Variants in PHOX2A observed in about 807,000 individuals in gnomAD.
PHOX2A encodes paired mesoderm homeobox protein 2A.
In PHOX2A, 10 loss-of-function variants were observed where a neutral mutation model predicts 16.4. The ratio of observed to expected loss-of-function variants is 0.61; its 90% CI spans 0.38 to 1.04. The LOEUF is 1.04. PHOX2A is among the 50% of genes least tolerant of loss of function. The pLI is 0.01. For synonymous variants in PHOX2A, 219 were observed against 203.8 expected, an observed-to-expected ratio of 1.07 and a Z score of -0.64; for missense variants, 361 against 419.4, an observed-to-expected ratio of 0.86 and a Z score of 1.22.
chr11:72,241,078 G>A (rs370740429), intron 2 of PHOX2A, 24 bp downstream of exon 2: 39 of 1,611,122 alleles, frequency 2.4e-5, no homozygotes, highest in Non-Finnish European at 3.0e-5. Flanking sequence ...GCGCACTCTC[G>A]TACACACACG....
intron 1 of PHOX2A, among the ~76,000 whole-genome samples, chr11:72,243,200 G>T (rs1052216820): frequency 3.3e-5 from 5 of 152,202 alleles, no homozygotes; most frequent in African/African-American, 9.7e-5. Context: ...AATACAAGTG[G>T]CTTAAAAACC....
rs770306817 is a variant in PHOX2A, at chr11:72,239,728, G to C, written c.*21C>G. ...CAGGGACGTCTCTGGGGGCAGGCTCGGAGCCTCCAGAGGCCGGCAGCTAGA... is the reference window on the plus strand; with the variant it reads ...CAGGGACGTCTCTGGGGGCAGGCTCCGAGCCTCCAGAGGCCGGCAGCTAGA... On this transcript the variant is annotated 3_prime_UTR_variant, in exon 3 of 3. Transcript: ENST00000298231. 3 of 1,304,486 alleles carry C rather than the reference G, an allele frequency of 2.3e-6. No individual in the cohort carries two copies. The highest frequency in any genetic ancestry group is 3.1e-5 in the South Asian group (1 of 31,758). The allele number at this position is 1,304,486 out of a possible 1,614,324, so 80.8% of individuals were successfully genotyped here. A position where few individuals can be genotyped will look rare whatever the true frequency, so the allele number is the denominator to read the frequency against.
chr11:72,243,791 C>G lies in PHOX2A; in HGVS notation c.214G>C (p.Ala72Pro). 2.4e-6 allele frequency: 3 copies of G among 1,247,596 alleles called. No homozygotes were observed. The highest frequency in any genetic ancestry group is 3.0e-6 in the Non-Finnish European group (3 of 995,062). 77.3% of individuals were successfully genotyped at this position (1,247,596 alleles called of 1,614,324 possible). The change falls in exon 1 of 3, where the codon GCA becomes CCA. Residue 72 changes from alanine (A) to proline (P), a missense_variant. Physicochemically the swap from Ala to Pro is conservative, Grantham distance 27. Around this residue, in one of 3 missense-constraint regions of PHOX2A, gnomAD observed 235 missense variants for 263.8 expected, o/e 0.89. Coordinates refer to ENST00000298231, the MANE Select transcript of PHOX2A (RefSeq NM_005169.4). ...GTTGGGCCGGGGCTGCGCTCACCTG[C>G]CGAGTAGGGCGCGGGCTGGTGGTCG... ...LRDHQPAPYS[A>P]VPYKFFPEPS...
intron 2 of PHOX2A, among the ~76,000 whole-genome samples, chr11:72,240,553 G>A (rs1326313120): frequency 6.6e-6 from 1 of 152,168 alleles, no homozygotes; most frequent in African/African-American, 2.4e-5. Flanking sequence ...GTGTTCCAGG[G>A]CCGTGGAGAG....
At chr11:72,241,018 A>C in intron 2 of PHOX2A, 84 bp downstream of exon 2, 2 of 1,431,904 alleles carry the variant, frequency 1.4e-6, no homozygotes, top group Non-Finnish European at 1.9e-6. Context: ...ATCTGCCTGT[A>C]TTCCCCTACC....
intron 2 of PHOX2A, among the ~76,000 whole-genome samples, chr11:72,240,400 T>C (rs976702537): frequency 6.6e-6 from 1 of 152,214 alleles, no homozygotes; most frequent in African/African-American, 2.4e-5. Flanking sequence ...CCTGGGTTCT[T>C]GCCCTTGGGA....
At chr11:72,241,426 C>T in intron 1 of PHOX2A, 137 bp from the exon 2 acceptor site, 1 of 629,540 alleles carries the variant, frequency 1.6e-6, no homozygotes, top group Non-Finnish European at 2.8e-6. Context: ...GTCTTGGTCC[C>T]GGCAGCCTGG....
Position 72,243,983 on chromosome 11 carries a change from A to T in PHOX2A, c.22T>A (p.Ser8Thr). MDYSYLN[S>T]YDSCVAAMEA... is the part of the protein sequence containing the mutation. ...ATGGCCGCCACGCACGAGTCGTACGAATTGAGGTAGGAGTAGTCCATCGGC... is the reference window on the plus strand; with the variant it reads ...ATGGCCGCCACGCACGAGTCGTACGTATTGAGGTAGGAGTAGTCCATCGGC... Residue 8 changes from serine to threonine, a missense_variant, in exon 1 of 3, where the codon TCG becomes ACG. Around this residue, in one of 3 missense-constraint regions of PHOX2A, gnomAD observed 235 missense variants for 263.8 expected, o/e 0.89. Transcript: ENST00000298231. 1 of 1,299,272 alleles carries T rather than the reference A, an allele frequency of 7.7e-7. No homozygotes were observed. The highest frequency in any genetic ancestry group is 3.0e-5 in the South Asian group (1 of 33,128). 80.5% of individuals were successfully genotyped at this position (1,299,272 alleles called of 1,614,324 possible).
intron 2 of PHOX2A, among the ~76,000 whole-genome samples, chr11:72,240,861 C>G (rs1470534180): frequency 6.6e-6 from 1 of 152,210 alleles, no homozygotes; most frequent in Admixed American, 6.5e-5. Flanking sequence ...TCAAGCATCA[C>G]TCGGAACTTT....
In PHOX2A at chr11:72,243,770, G is replaced by A. The variant is rs1466193728; in HGVS notation, c.217+18C>T. 12 of 1,232,404 alleles carry A rather than the reference G, an allele frequency of 9.7e-6. No individual in the cohort carries two copies. Among genetic ancestry groups the A allele is most frequent in the Admixed American group, 4.2e-5 (1 of 23,760 alleles). The allele number at this position is 1,232,404 out of a possible 1,614,324, so 76.3% of individuals were successfully genotyped here. A position where few individuals can be genotyped will look rare whatever the true frequency, so the allele number is the denominator to read the frequency against. On this transcript the variant is annotated intron_variant, in intron 1 of 2. Coordinates refer to ENST00000298231, the MANE Select transcript of PHOX2A (RefSeq NM_005169.4). ...TCTGCAGGAATTGGAGGGAGGGTTGGGCCGGGGCTGCGCTCACCTGCCGAG... is the reference window on the plus strand; with the variant it reads ...TCTGCAGGAATTGGAGGGAGGGTTGAGCCGGGGCTGCGCTCACCTGCCGAG...
chr11:72,239,864 G>A lies in PHOX2A; in HGVS notation c.740C>T (p.Ala247Val). The change falls in exon 3 of 3, where the codon GCG becomes GTG. Residue 247 changes from alanine (A) to valine (V), a missense_variant. By Grantham distance (64) the Ala-to-Val change is moderately conservative. Transcript: ENST00000298231. ...GGGGGGPGAGAAELLKAWQPA... is the reference protein window; with the variant it reads ...GGGGGGPGAGVAELLKAWQPA... The stretch of plus-strand genomic sequence containing the variant: ...CTGCCAAGCCTTAAGTAGTTCGGCC[G>A]CTCCCGCGCCAGGCCCGCCGCCCCC... 4 of 1,374,338 alleles carry A rather than the reference G, an allele frequency of 2.9e-6. No homozygotes were observed. Among genetic ancestry groups the A allele is most frequent in the Admixed American group, 2.8e-5 (1 of 35,340 alleles). 85.1% of individuals were successfully genotyped at this position (1,374,338 alleles called of 1,614,324 possible).
Position 72,239,825 on chromosome 11 carries a change from C to G in PHOX2A, c.779G>C (p.Gly260Ala). The G allele has an allele frequency of 7.3e-7, 1 of 1,364,686 alleles. No homozygotes were observed. The highest frequency in any genetic ancestry group is 9.5e-7 in the Non-Finnish European group (1 of 1,049,490). 84.5% of individuals were successfully genotyped at this position (1,364,686 alleles called of 1,614,324 possible). A position where few individuals can be genotyped will look rare whatever the true frequency, so the allele number is the denominator to read the frequency against. Residue 260 changes from glycine to alanine, a missense_variant, in exon 3 of 3, where the codon GGC becomes GCC. By Grantham distance (60) the Gly-to-Ala change is moderately conservative (BLOSUM62 0). Transcript: ENST00000298231. ...LLKAWQPAES[G>A]PGPFSGVLSS... The stretch of plus-strand genomic sequence containing the variant: ...CAGAACCCCGGAGAAGGGCCCGGGG[C>G]CGGACTCCGCCGGCTGCCAAGCCTT...
Position 72,243,939 on chromosome 11 carries a change from G to T in PHOX2A, c.66C>A (p.Gly22=). ...CGGGCTGGCTGCAGGCGCCAAAGTC[G>T]CCGTAGGCGGACGCCTCCATGGCCG... is the stretch of plus-strand genomic sequence containing the variant. ...CVAAMEASAY[G]DFGACSQPGG... The change falls in exon 1 of 3, where the codon GGC becomes GGA. Residue 22 remains glycine (G), a synonymous_variant. Coordinates refer to ENST00000298231, the MANE Select transcript of PHOX2A (RefSeq NM_005169.4). 3.1e-6 allele frequency: 4 copies of T among 1,310,502 alleles called. No homozygotes were observed. Among genetic ancestry groups the T allele is most frequent in the Non-Finnish European group, 3.9e-6 (4 of 1,023,366 alleles). The allele number at this position is 1,310,502 out of a possible 1,614,324, so 81.2% of individuals were successfully genotyped here.
At chr11:72,240,894 C>T (rs1257882864) in intron 2 of PHOX2A, among the ~76,000 whole-genome samples, 1 of 152,176 alleles carries the variant, frequency 6.6e-6, no homozygotes, top group Non-Finnish European at 1.5e-5. Flanking sequence ...GGAGACAGAG[C>T]GGAGGTAGCC....
chr11:72,240,079 G>A lies in PHOX2A; in HGVS notation c.525C>T (p.Asp175=). ...KGEARCSSED[D]DSKESTCSPT... ...GGCTGCACGTGGACTCCTTGGAATC[G>A]TCGTCCTCGGAGGAGCAGCGCGCCT... Residue 175 remains aspartate, a synonymous_variant, in exon 3 of 3, where the codon GAC becomes GAT. Coordinates refer to ENST00000298231, the MANE Select transcript of PHOX2A (RefSeq NM_005169.4). 6.5e-7 allele frequency: 1 copy of A among 1,530,600 alleles called. No individual in the cohort carries two copies. The highest frequency in any genetic ancestry group is 8.7e-7 in the Non-Finnish European group (1 of 1,143,544). 94.8% of individuals were successfully genotyped at this position (1,530,600 alleles called of 1,614,324 possible).
intron 2 of PHOX2A, 30 bp downstream of exon 2, chr11:72,241,072 A>T: frequency 1.2e-6 from 2 of 1,607,790 alleles, no homozygotes; most frequent in Non-Finnish European, 1.7e-6. Context: ...TTCCATGCGC[A>T]CTCTCGTACA....
chr11:72,242,419 T>G (rs1365125523), intron 1 of PHOX2A, among the ~76,000 whole-genome samples: 1 of 152,124 alleles, frequency 6.6e-6, no homozygotes, highest in Non-Finnish European at 1.5e-5. Flanking sequence ...TGAGTCCCCA[T>G]TTCTCCTAGG....
Position 72,243,917 on chromosome 11 carries a change from G to T in PHOX2A, c.88C>A (p.Pro30Thr). 1 of 1,301,838 alleles carries T rather than the reference G, an allele frequency of 7.7e-7. No homozygotes were observed. The highest frequency in any genetic ancestry group is 9.8e-7 in the Non-Finnish European group (1 of 1,019,654). 80.6% of individuals were successfully genotyped at this position (1,301,838 alleles called of 1,614,324 possible). A position where few individuals can be genotyped will look rare whatever the true frequency, so the allele number is the denominator to read the frequency against. Reference sequence around the variant, plus strand: ...AGGGGGCTGTATTGGAAGCCGCCGGGCTGGCTGCAGGCGCCAAAGTCGCCG... The same window carrying T: ...AGGGGGCTGTATTGGAAGCCGCCGGTCTGGCTGCAGGCGCCAAAGTCGCCG... ...AYGDFGACSQ[P>T]GGFQYSPLRP... The change falls in exon 1 of 3, where the codon CCC (proline) becomes ACC (threonine). Residue 30 changes from proline (P) to threonine (T), a missense_variant. Physicochemically the swap from Pro to Thr is conservative, Grantham distance 38. This residue lies in a region of PHOX2A where 235 missense variants were observed against 263.8 expected (regional missense o/e 0.89). Coordinates refer to ENST00000298231, the MANE Select transcript of PHOX2A (RefSeq NM_005169.4).
intron 1 of PHOX2A, among the ~76,000 whole-genome samples, chr11:72,243,496 G>A (rs1322193884): frequency 6.6e-6 from 1 of 152,210 alleles, no homozygotes; most frequent in Admixed American, 6.5e-5. Context: ...GTCTTTGCAG[G>A]TGGTGAGGGG....
Sources: gnomAD v4.1 joint callset for allele counts (sites outside exome capture counted in the v4.1 genomes callset) on GRCh38, gnomAD v4.1.1 for gene constraint, gnomAD v4.1.1 regional missense constraint, MANE v1.5 for transcripts, NCBI Gene and HGNC (gene_info 2026-07-23, HGNC 2026-07-21) for gene names.